The following PLXNA4 variants were observed in gnomAD, a reference collection of about 807,000 sequenced individuals.
The protein encoded by PLXNA4 is plexin A4, also known as plexin-A4.
PLXNA4 carries 44 observed loss-of-function variants against 191.8 expected under a neutral mutation model. The ratio of observed to expected loss-of-function variants is 0.23; its 90% CI spans 0.18 to 0.29. The LOEUF (loss-of-function observed/expected upper bound fraction) is 0.29, where lower values mean the gene tolerates loss of function less well. Among genes scored for constraint, PLXNA4 ranks in the 10% least tolerant of loss-of-function variants. The pLI is 1.00. For missense variants in PLXNA4, 1,800 were observed against 2,488.8 expected (o/e 0.72, Z 5.89); for synonymous variants, 1,082 against 1,009.5 (o/e 1.07, Z -1.36).
chr7:132,337,023 C>A (rs575685901), intron 3 of PLXNA4, among the ~76,000 whole-genome samples: 1 of 152,374 alleles, frequency 6.6e-6, no homozygotes, highest in East Asian at 1.9e-4. Context: ...CTGCCTCTCT[C>A]AATCCACTTT....
chr7:132,465,131 C>T (rs1024025875), intron 3 of PLXNA4, among the ~76,000 whole-genome samples: 1 of 152,212 alleles, frequency 6.6e-6, no homozygotes, highest in Non-Finnish European at 1.5e-5. Flanking sequence ...AGACCTCACC[C>T]CAACAACTGG....
At chr7:132,253,810 G>A (rs117821671) in intron 4 of PLXNA4, among the ~76,000 whole-genome samples, 2,169 of 152,266 alleles carry the variant, frequency 0.014, 30 homozygotes, top group Non-Finnish European at 0.02. Flanking sequence ...ACCCAACATG[G>A]AGAAGACTCC....
intron 1 of PLXNA4, among the ~76,000 whole-genome samples, chr7:132,570,282 C>G (rs1801919396): frequency 6.6e-6 from 1 of 152,280 alleles, no homozygotes; most frequent in South Asian, 2.1e-4. Flanking sequence ...AAAACGAACT[C>G]CAACTGACTC....
intron 3 of PLXNA4, chr7:132,385,034 A>G: frequency 6.9e-7 from 1 of 1,449,194 alleles, no homozygotes; most frequent in Non-Finnish European, 9.1e-7. Flanking sequence ...ACATTCTCCA[A>G]AGTCTTTTTT....
At chr7:132,222,210 A>G (rs1798166815) in intron 9 of PLXNA4, among the ~76,000 whole-genome samples, 1 of 152,218 alleles carries the variant, frequency 6.6e-6, no homozygotes, top group South Asian at 2.1e-4. Flanking sequence ...CTCAGCCATC[A>G]GGATTCGGGC....
intron 1 of PLXNA4, among the ~76,000 whole-genome samples, chr7:132,521,794 C>A (rs900131124): frequency 1.3e-5 from 2 of 152,148 alleles, no homozygotes; most frequent in African/African-American, 4.8e-5. Context: ...CCTCAACAAG[C>A]CGACCTCTAC....
chr7:132,283,532 G>A (rs1290837143), intron 4 of PLXNA4, among the ~76,000 whole-genome samples: 1 of 152,184 alleles, frequency 6.6e-6, no homozygotes, highest in Non-Finnish European at 1.5e-5. Context: ...GAATCTGATT[G>A]ATGAAGAGAA....
chr7:132,417,132 T>C (rs1794688556), intron 3 of PLXNA4, among the ~76,000 whole-genome samples: 1 of 149,136 alleles, frequency 6.7e-6, no homozygotes, highest in Non-Finnish European at 1.5e-5. Context: ...CGCTTCCCCC[T>C]GGCCTCAAAG....
At chr7:132,486,372 A>G (rs913887361) in intron 3 of PLXNA4, among the ~76,000 whole-genome samples, 2 of 151,654 alleles carry the variant, frequency 1.3e-5, no homozygotes, top group Non-Finnish European at 2.9e-5. Flanking sequence ...GGGGAATTCT[A>G]TTGTTCAAGA....
chr7:132,302,633 T>C (rs970707685), intron 3 of PLXNA4, among the ~76,000 whole-genome samples: 1 of 150,658 alleles, frequency 6.6e-6, no homozygotes, highest in Non-Finnish European at 1.5e-5. Flanking sequence ...GCAGAAGCCA[T>C]CATCTTGGTC....
intron 10 of PLXNA4, among the ~76,000 whole-genome samples, chr7:132,210,487 A>G (rs1376825731): frequency 6.6e-6 from 1 of 152,206 alleles, no homozygotes; most frequent in East Asian, 1.9e-4. Context: ...GGTCTGTCTC[A>G]GAAGCCTTCT....
chr7:132,643,065 C>A (rs897301135), intron 2 of PLXNA4, among the ~76,000 whole-genome samples: 8 of 152,026 alleles, frequency 5.3e-5, no homozygotes, highest in African/African-American at 1.9e-4. Flanking sequence ...TTTCAATGGT[C>A]TGCCATTGAA....
chr7:132,437,789 C>T (rs1014815237), intron 3 of PLXNA4, among the ~76,000 whole-genome samples: 2 of 152,156 alleles, frequency 1.3e-5, no homozygotes, highest in African/African-American at 2.4e-5. Context: ...TGAGTACACA[C>T]ACTGCAGACT....
intron 3 of PLXNA4, among the ~76,000 whole-genome samples, chr7:132,316,054 A>G (rs1336974535): frequency 2.0e-5 from 3 of 152,182 alleles, no homozygotes; most frequent in African/African-American, 7.2e-5. Flanking sequence ...ACTTTCATAA[A>G]CTGGAGATAA....
chr7:132,177,359 T>C (rs1177390854), intron 20 of PLXNA4, among the ~76,000 whole-genome samples: 1 of 152,222 alleles, frequency 6.6e-6, no homozygotes, highest in Non-Finnish European at 1.5e-5. Flanking sequence ...GAGGACGTCC[T>C]GGCTTGCTGT....
At chr7:132,488,919 C>G (rs1054166852) in intron 3 of PLXNA4, among the ~76,000 whole-genome samples, 2 of 152,246 alleles carry the variant, frequency 1.3e-5, no homozygotes, top group African/African-American at 4.8e-5. Flanking sequence ...GCAAGGGGAA[C>G]AGGCATGTCC....
intron 30 of PLXNA4, among the ~76,000 whole-genome samples, chr7:132,140,229 T>C (rs1795227468): frequency 6.6e-6 from 1 of 152,192 alleles, no homozygotes; most frequent in Admixed American, 6.5e-5. Flanking sequence ...GCAGCAATGA[T>C]GTAGTTTGGC....
At chr7:132,410,613 G>T (rs553158855) in intron 3 of PLXNA4, among the ~76,000 whole-genome samples, 8 of 152,324 alleles carry the variant, frequency 5.3e-5, no homozygotes, top group African/African-American at 1.7e-4. Context: ...AGGAAGGAGG[G>T]TTACCAAGTG....
At chr7:132,415,713 A>G (rs1794636377) in intron 3 of PLXNA4, among the ~76,000 whole-genome samples, 1 of 152,154 alleles carries the variant, frequency 6.6e-6, no homozygotes, top group Non-Finnish European at 1.5e-5. Flanking sequence ...TTTATTAATT[A>G]TTTTCATCAA....
Sources: gnomAD v4.1 joint callset for allele counts (sites outside exome capture counted in the v4.1 genomes callset) on GRCh38, gnomAD v4.1.1 for gene constraint, MANE v1.5 for transcripts, NCBI Gene and HGNC (gene_info 2026-07-23, HGNC 2026-07-21) for gene names.